PNPLA7: variants seen among roughly 807,000 people sequenced by gnomAD.
PNPLA7 encodes patatin-like phospholipase domain-containing protein 7.
In PNPLA7, 153 loss-of-function variants were observed where a neutral mutation model predicts 161.7. That is an observed-to-expected ratio of 0.95 (90% CI 0.83 to 1.08). PNPLA7 has a LOEUF of 1.08. PNPLA7 is among the 50% of genes least tolerant of loss of function. PNPLA7 has a pLI of 0.00. For missense variants in PNPLA7, 1,739 were observed against 1,856.6 expected, an observed-to-expected ratio of 0.94 and a Z score of 1.16; for synonymous variants, 809 against 782.1, an observed-to-expected ratio of 1.03 and a Z score of -0.57.
At chr9:137,482,007 C>T (rs1832245802) in intron 21 of PNPLA7, among the ~76,000 whole-genome samples, 1 of 152,218 alleles carries the variant, frequency 6.6e-6, no homozygotes, top group Non-Finnish European at 1.5e-5. Flanking sequence ...TTCTTAGAGG[C>T]ACACAAAATA....
chr9:137,511,501 T>G (rs1391256814), intron 12 of PNPLA7, among the ~76,000 whole-genome samples: 1 of 151,724 alleles, frequency 6.6e-6, no homozygotes, highest in Non-Finnish European at 1.5e-5. Flanking sequence ...CACCAGCACC[T>G]GGGAAGGCAC....
At position 137,463,429 on chromosome 9, in the gene PNPLA7, A is replaced by ACGC; in HGVS notation, c.3328_3329insGCG (p.Ile1110delinsSerVal). On this transcript the variant is annotated protein_altering_variant, in exon 29 of 35. Coordinates refer to ENST00000406427, the MANE Select transcript of PNPLA7 (RefSeq NM_001098537.3). Reference sequence around the variant, plus strand: ...CACCGCAGTACCTGGGAGGTTGTTGATGTAGCCCCCGTCCATCAGCAGGTG... The same window carrying ACGC: ...CACCGCAGTACCTGGGAGGTTGTTGACGCTGTAGCCCCCGTCCATCAGCAGGTG... 8 of 1,603,386 alleles carry ACGC rather than the reference A, an allele frequency of 5.0e-6. No individual in the cohort carries two copies. Among genetic ancestry groups the ACGC allele is most frequent in the Non-Finnish European group, 6.8e-6 (8 of 1,175,116 alleles).
chr9:137,461,421 C>A, intron 33 of PNPLA7, 115 bp downstream of exon 33: 1 of 1,055,682 alleles, frequency 9.5e-7, no homozygotes, highest in Non-Finnish European at 1.3e-6. Flanking sequence ...GGAGCCTGGG[C>A]GTGGACGTGG....
At chr9:137,478,329 C>T (rs946963937) in intron 24 of PNPLA7, 177 bp from the exon 25 acceptor site, 4 of 437,072 alleles carry the variant, frequency 9.2e-6, no homozygotes, top group South Asian at 1.2e-4. Flanking sequence ...GTGCCCGGAC[C>T]GGGCCCCAGA....
Position 137,541,004 on chromosome 9 carries a change from G to A in PNPLA7, c.667-282C>T, listed in dbSNP as rs1836172643. The A allele has an allele frequency of 2.4e-6, 1 of 409,362 alleles. No homozygotes were observed. The highest frequency in any genetic ancestry group is 4.6e-6 in the Non-Finnish European group (1 of 218,840). The allele number at this position is 409,362 out of a possible 1,614,324, so 25.4% of individuals were successfully genotyped here. ...GTGGGGACTGAGGCAAAAGCTCGCA[G>A]AGCCTGTTTGTTTGCTGAGCTAACT... On this transcript the variant is annotated intron_variant, in intron 7 of 34. Coordinates refer to ENST00000406427, the MANE Select transcript of PNPLA7 (RefSeq NM_001098537.3). This position sits in a 1 kb window ranked among gnomAD's most constrained non-coding sequence, Gnocchi z 4.4.
At chr9:137,545,770 T>C (rs1207033039) in intron 4 of PNPLA7, among the ~76,000 whole-genome samples, 2 of 151,956 alleles carry the variant, frequency 1.3e-5, no homozygotes, top group South Asian at 2.1e-4. Context: ...AAGACAAGAG[T>C]GCGAGCCTTC....
chr9:137,518,747 CCCCCA>C (rs1834804461), intron 11 of PNPLA7, among the ~76,000 whole-genome samples: 3 of 66,946 alleles, frequency 4.5e-5, no homozygotes, highest in African/African-American at 8.8e-5. Context: ...TCCACTCCAT[CCCCCA>C]CTCACTCACT....
chr9:137,502,784 G>T (rs896555615), intron 14 of PNPLA7, among the ~76,000 whole-genome samples: 3 of 126,638 alleles, frequency 2.4e-5, no homozygotes, highest in African/African-American at 9.0e-5. Context: ...GAGGCCGCTG[G>T]ACAGGGGGGC....
chr9:137,509,429 GTGAGTTTAGCTGGTATGAA>G (rs1564333127), intron 12 of PNPLA7: 6 of 206,344 alleles, frequency 2.9e-5, no homozygotes, highest in Non-Finnish European at 6.3e-5. Flanking sequence ...GCTGGCATGA[GTGAGTTTAGCTGGTATGAA>G]TGAGTTTAGC....
At position 137,462,722 on chromosome 9, in the gene PNPLA7, A is replaced by G. The variant is rs1261602191; in HGVS notation, c.3455T>C (p.Leu1152Pro). The part of the protein sequence containing the change: ...YGDALSGWWL[L>P]WKRWNPLATK... ...GGCCAAGGGGTTCCAGCGTTTCCAC[A>G]GCAGCCACCACCCAGACAGCGCATC... Residue 1152 changes from leucine to proline, a missense_variant, in exon 30 of 35, where the codon CTG becomes CCG. Physicochemically the swap from Leu to Pro is moderately conservative, Grantham distance 98. Coordinates refer to ENST00000406427, the MANE Select transcript of PNPLA7 (RefSeq NM_001098537.3). 2 of 1,613,904 alleles carry G rather than the reference A, an allele frequency of 1.2e-6. No individual in the cohort carries two copies. Among genetic ancestry groups the G allele is most frequent in the South Asian group, 1.1e-5 (1 of 91,074 alleles).
chr9:137,505,137 G>A (rs1228866341), intron 14 of PNPLA7, among the ~76,000 whole-genome samples: 2 of 121,874 alleles, frequency 1.6e-5, no homozygotes, highest in East Asian at 2.7e-4. Flanking sequence ...GCAGTGAGCC[G>A]AGATCATATC....
intron 26 of PNPLA7, among the ~76,000 whole-genome samples, chr9:137,466,118 G>A (rs1831449680): frequency 6.6e-6 from 1 of 152,142 alleles, no homozygotes; most frequent in Non-Finnish European, 1.5e-5. Context: ...ACCAGGGACA[G>A]CCCCACGGCC....
intron 21 of PNPLA7, among the ~76,000 whole-genome samples, chr9:137,481,690 C>T (rs1366134998): frequency 2.0e-5 from 3 of 152,164 alleles, no homozygotes; most frequent in African/African-American, 4.8e-5. Flanking sequence ...CGGCTGGGCG[C>T]GGTGGCTCAC....
Position 137,478,814 on chromosome 9 carries a change from GC to G in PNPLA7, c.2763+241del. 6 of 498,492 alleles carry G rather than the reference GC, an allele frequency of 1.2e-5. No homozygotes were observed. In the South Asian group the frequency reaches 2.0e-4, roughly 17 times the overall value. 30.9% of individuals were successfully genotyped at this position (498,492 alleles called of 1,614,324 possible). A position where few individuals can be genotyped will look rare whatever the true frequency, so the allele number is the denominator to read the frequency against. On this transcript the variant is annotated intron_variant, in intron 24 of 34. Coordinates refer to ENST00000406427, the MANE Select transcript of PNPLA7 (RefSeq NM_001098537.3). ...CAGGCCCATCCCCGGGGTTCGCTGA[GC>G]CCCCAGCCCGATGGCCGCCCTGTGC...
At chr9:137,492,982 A>G (rs1242275303) in intron 20 of PNPLA7, 31 bp downstream of exon 20, 12 of 1,606,756 alleles carry the variant, frequency 7.5e-6, no homozygotes, top group African/African-American at 1.3e-5. Flanking sequence ...GAGGGCTCCC[A>G]GGAGGCTCTG....
intron 11 of PNPLA7, among the ~76,000 whole-genome samples, chr9:137,517,008 C>CCGT (rs1554772934): frequency 5.3e-5 from 6 of 112,682 alleles, no homozygotes; most frequent in East Asian, 3.2e-4. Flanking sequence ...ACTCCATCCC[C>CCGT]CACTCACTCC....
rs1389073895 is a variant in PNPLA7 at position 137,476,260 on chromosome 9, C to A, written c.2882+1774G>T. Reference sequence around the variant, plus strand: ...AATTAAGGATACCCAGAAAACTGAACAAATGTGACAATTATTAACTCCAAG... The same window carrying A: ...AATTAAGGATACCCAGAAAACTGAAAAAATGTGACAATTATTAACTCCAAG... On this transcript the variant is annotated intron_variant, in intron 25 of 34. Coordinates refer to ENST00000406427, the MANE Select transcript of PNPLA7 (RefSeq NM_001098537.3). This position sits in a 1 kb window ranked among gnomAD's most constrained non-coding sequence, Gnocchi z 4.5. Among the ~76,000 whole-genome samples, 1 of 152,080 alleles carries A rather than the reference C, an allele frequency of 6.6e-6. No homozygotes were observed. Among genetic ancestry groups the A allele is most frequent in the Admixed American group, 6.5e-5 (1 of 15,268 alleles).
At chr9:137,501,289 G>T (rs144776459) in intron 15 of PNPLA7, among the ~76,000 whole-genome samples, 1 of 152,162 alleles carries the variant, frequency 6.6e-6, no homozygotes, top group African/African-American at 2.4e-5. Context: ...CTGAGCCCCC[G>T]GCACACGCCA....
chr9:137,543,280 G>A lies in PNPLA7; in HGVS notation c.506+152C>T, dbSNP rs973307378. ...GGTGAAGGAGCCAGCAGACCACGAG[G>A]CCCCGCCACGGGGCACAGACACCAG... On this transcript the variant is annotated intron_variant, in intron 6 of 34. Transcript: ENST00000406427. This position sits in a 1 kb window ranked among gnomAD's most constrained non-coding sequence, Gnocchi z 6.9. 3 of 946,682 alleles carry A rather than the reference G, an allele frequency of 3.2e-6. No homozygotes were observed. Among genetic ancestry groups the A allele is most frequent in the Non-Finnish European group, 4.8e-6 (3 of 624,412 alleles). The allele number at this position is 946,682 out of a possible 1,614,324, so 58.6% of individuals were successfully genotyped here. A position where few individuals can be genotyped will look rare whatever the true frequency, so the allele number is the denominator to read the frequency against.
Sources: allele counts gnomAD v4.1 joint callset (sites outside exome capture counted in the v4.1 genomes callset), GRCh38; gene constraint gnomAD v4.1.1; non-coding constraint Gnocchi (gnomAD v3.1); transcripts MANE v1.5; gene names NCBI Gene and HGNC (gene_info 2026-07-23, HGNC 2026-07-21).